Variants in POLA1 observed in about 807,000 individuals in gnomAD.
The protein encoded by POLA1 is DNA polymerase alpha 1, catalytic subunit, also known as DNA polymerase alpha catalytic subunit.
A neutral mutation model predicts 124.0 loss-of-function variants in POLA1; 15 were observed. The observed-to-expected ratio is 0.12, with a 90% CI of 0.08 to 0.19. The LOEUF (loss-of-function observed/expected upper bound fraction) is 0.19, where lower values mean the gene tolerates loss of function less well. POLA1 is among the 10% of genes least tolerant of loss of function. POLA1 has a pLI of 1.00. For missense variants in POLA1, 886 were observed against 1,103.4 expected, an observed-to-expected ratio of 0.80 and a Z score of 2.79; for synonymous variants, 408 against 389.4, an observed-to-expected ratio of 1.05 and a Z score of -0.56.
chrX:24,994,149 G>A (rs532676954), intron 36 of POLA1, among the ~76,000 whole-genome samples: 1 of 112,289 alleles, frequency 8.9e-6, no homozygotes, highest in South Asian at 3.7e-4. Context: ...CACTGGTTGG[G>A]GCCATTGTTG....
intron 35 of POLA1, among the ~76,000 whole-genome samples, chrX:24,906,555 A>G (rs910335553): frequency 9.0e-6 from 1 of 110,586 alleles, no homozygotes; most frequent in Non-Finnish European, 1.9e-5. Flanking sequence ...GGAATAAAAG[A>G]CTATACATTG....
chrX:24,913,407 G>A (rs1365908558), intron 35 of POLA1, among the ~76,000 whole-genome samples: 1 of 111,405 alleles, frequency 9.0e-6, no homozygotes, highest in Non-Finnish European at 1.9e-5. Context: ...GGTGTGTTAC[G>A]TGTGTTTAAA....
chrX:24,722,407 C>T (rs1207365087), intron 10 of POLA1, among the ~76,000 whole-genome samples: 6 of 112,106 alleles, frequency 5.4e-5, no homozygotes, highest in Non-Finnish European at 1.1e-4. Context: ...TAGAAAGGAA[C>T]ATTATAAACA....
chrX:24,911,863 C>T (rs1236053531), intron 35 of POLA1, among the ~76,000 whole-genome samples: 1 of 112,177 alleles, frequency 8.9e-6, no homozygotes, highest in Non-Finnish European at 1.9e-5. Flanking sequence ...CCCTAAAACT[C>T]ATCCAAGATG....
At chrX:24,825,587 A>T (rs1170600506) in intron 31 of POLA1, among the ~76,000 whole-genome samples, 1 of 112,585 alleles carries the variant, frequency 8.9e-6, no homozygotes, top group Non-Finnish European at 1.9e-5. Flanking sequence ...ATGTTGATCC[A>T]GTAGAGATAA....
chrX:24,979,644 C>T (rs2048400424), intron 36 of POLA1, among the ~76,000 whole-genome samples: 1 of 112,231 alleles, frequency 8.9e-6, no homozygotes, highest in African/African-American at 3.2e-5. Context: ...ACTTTCTCCT[C>T]ATCTTGAGAA....
At chrX:24,839,765 G>A (rs1256068660) in intron 32 of POLA1, among the ~76,000 whole-genome samples, 1 of 112,179 alleles carries the variant, frequency 8.9e-6, no homozygotes, top group African/African-American at 3.2e-5. Context: ...TGTTGGCCTG[G>A]GAAATTGATT....
chrX:24,900,329 G>A (rs762971497), intron 35 of POLA1, among the ~76,000 whole-genome samples: 3 of 111,992 alleles, frequency 2.7e-5, no homozygotes, highest in Non-Finnish European at 5.6e-5. Context: ...CACTCACCCT[G>A]CAGAATTTTA....
intron 36 of POLA1, among the ~76,000 whole-genome samples, chrX:24,986,723 T>A (rs2048484824): frequency 9.1e-6 from 1 of 110,418 alleles, no homozygotes; most frequent in African/African-American, 3.3e-5. Context: ...AGACCCTGTC[T>A]CTTAACATAT....
chrX:24,737,625 G>A lies in POLA1; in HGVS notation c.1924G>A (p.Gly642Ser), dbSNP rs753740777. ...VHKIDPDIIV[G>S]HNIYGFELEV... ...TCAGCTGCCTTCTTTTTCTGACTAG[G>A]GTCATAATATTTATGGGTTTGAACT... is the stretch of plus-strand genomic sequence containing the variant. The change falls in exon 19 of 37, where the codon GGT (glycine) becomes AGT (serine). Residue 642 changes from glycine to serine, a missense_variant and splice_region_variant. Coordinates refer to ENST00000379068, the MANE Select transcript of POLA1 (RefSeq NM_001330360.2). The A allele has an allele frequency of 1.8e-5, 18 of 987,830 alleles. No homozygotes were observed. The highest frequency in any genetic ancestry group is 2.6e-5 in the Non-Finnish European group (18 of 697,583). The allele number at this position is 987,830 out of a possible 1,213,427, so 81.4% of individuals were successfully genotyped here. A position where few individuals can be genotyped will look rare whatever the true frequency, so the allele number is the denominator to read the frequency against.
intron 36 of POLA1, among the ~76,000 whole-genome samples, chrX:24,932,828 A>C (rs1569367360): frequency 8.9e-6 from 1 of 111,884 alleles, no homozygotes; most frequent in Non-Finnish European, 1.9e-5. Flanking sequence ...TTTGGGAATG[A>C]GTGAATTAGC....
intron 34 of POLA1, among the ~76,000 whole-genome samples, chrX:24,847,418 G>C (rs948382815): frequency 4.5e-5 from 5 of 112,049 alleles, no homozygotes; most frequent in Non-Finnish European, 5.6e-5. Context: ...AGAGTATTCT[G>C]ATTGGGTAAA....
intron 29 of POLA1, among the ~76,000 whole-genome samples, chrX:24,814,443 C>T (rs1322274897): frequency 9.0e-6 from 1 of 111,278 alleles, no homozygotes; most frequent in Non-Finnish European, 1.9e-5. Flanking sequence ...CACTGAGCAA[C>T]AAAATGAAGG....
intron 36 of POLA1, among the ~76,000 whole-genome samples, chrX:24,994,763 G>C (rs751967484): frequency 4.7e-5 from 5 of 106,648 alleles, no homozygotes; most frequent in Admixed American, 2.0e-4. Context: ...GATTGGGGGT[G>C]GGGGGGGCGC....
intron 34 of POLA1, among the ~76,000 whole-genome samples, chrX:24,882,275 A>G (rs143516615): frequency 3.2e-3 from 355 of 111,987 alleles, no homozygotes; most frequent in Non-Finnish European, 5.2e-3. Flanking sequence ...GCTCCTCTAC[A>G]TTTTTATTTG....
chrX:24,712,947 A>G (rs1054472232), intron 4 of POLA1, among the ~76,000 whole-genome samples: 2 of 111,306 alleles, frequency 1.8e-5, no homozygotes, highest in Non-Finnish European at 1.9e-5. Flanking sequence ...CCACTACCAC[A>G]TTCTTATTTT....
At chrX:24,943,655 C>T (rs757381586) in intron 36 of POLA1, among the ~76,000 whole-genome samples, 1 of 112,129 alleles carries the variant, frequency 8.9e-6, no homozygotes, top group Admixed American at 9.4e-5. Flanking sequence ...ACAAATAAGC[C>T]GCAGTAAATT....
intron 36 of POLA1, among the ~76,000 whole-genome samples, chrX:24,949,906 G>A (rs1247840105): frequency 2.8e-5 from 3 of 109,020 alleles, no homozygotes; most frequent in Non-Finnish European, 5.7e-5. Context: ...AGCTAATTTT[G>A]TATTTTTAGT....
intron 36 of POLA1, among the ~76,000 whole-genome samples, chrX:24,989,179 G>C (rs1032365271): frequency 1.8e-5 from 2 of 111,361 alleles, no homozygotes; most frequent in South Asian, 7.6e-4. Context: ...GTTGAGGGGG[G>C]CAGTATAAAC....
Sources: gnomAD v4.1 joint callset for allele counts (sites outside exome capture counted in the v4.1 genomes callset) on GRCh38, gnomAD v4.1.1 for gene constraint, MANE v1.5 for transcripts, NCBI Gene and HGNC (gene_info 2026-07-23, HGNC 2026-07-21) for gene names.